PARVB: variants seen among roughly 807,000 people sequenced by gnomAD.
The protein encoded by PARVB is beta-parvin.
Under a neutral mutation model 47.0 loss-of-function variants are expected in PARVB, and 46 were observed. The ratio of observed to expected loss-of-function variants is 0.98; its 90% CI spans 0.77 to 1.25. The LOEUF (loss-of-function observed/expected upper bound fraction) is 1.25. Among genes scored for constraint, PARVB ranks in the 50% most tolerant of loss-of-function variants. The probability of loss-of-function intolerance (pLI) is 0.00; values close to 1 mark genes in which losing one functional copy is unlikely to be tolerated. For synonymous variants in PARVB, 196 were observed against 196.3 expected (o/e 1.00, Z 0.01); for missense variants, 473 against 471.6 (o/e 1.00, Z -0.03).
At chr22:44,102,590 CG>C (rs2052474108) in intron 3 of PARVB, among the ~76,000 whole-genome samples, 1 of 151,972 alleles carries the variant, frequency 6.6e-6, no homozygotes, top group South Asian at 2.1e-4. Context: ...GAAATCCCAG[CG>C]CCCTGGGAGG....
intron 7 of PARVB, among the ~76,000 whole-genome samples, chr22:44,138,774 A>G (rs1171288278): frequency 6.6e-6 from 1 of 152,180 alleles, no homozygotes; most frequent in East Asian, 1.9e-4. Context: ...CATGTGGCCA[A>G]CATTGAAATA....
chr22:44,040,036 TG>T, intron 1 of PARVB: 1 of 281,016 alleles, frequency 3.6e-6, no homozygotes, highest in Non-Finnish European at 7.2e-6. Context: ...TGGTTGCCTC[TG>T]GGGCTGTGGG....
At position 44,147,630 on chromosome 22, in the gene PARVB, C is replaced by G. The variant is rs147898227; in HGVS notation, c.713-231C>G. ...AGGTGGAAGGGACCCTCTGCAGCCTCTAGTCCACGCTGTTCTGGTTGTTCC... is the reference window on the plus strand; with the variant it reads ...AGGTGGAAGGGACCCTCTGCAGCCTGTAGTCCACGCTGTTCTGGTTGTTCC... On this transcript the variant is annotated intron_variant, in intron 8 of 12. Transcript: ENST00000338758. 9.2e-4 allele frequency: 665 copies of G among 723,524 alleles called. 2 individuals are homozygous for G. In the African/African-American group the frequency reaches 9.8e-3, roughly 11 times the overall value. 44.8% of individuals were successfully genotyped at this position (723,524 alleles called of 1,614,324 possible).
At chr22:44,143,741 T>G (rs754314320) in intron 8 of PARVB, 1 of 152,424 alleles carries the variant, frequency 6.6e-6, no homozygotes, top group Non-Finnish European at 1.5e-5. Context: ...GTCTCAGGGG[T>G]TCCAGGGAGG....
At chr22:44,148,116 G>C in intron 9 of PARVB, 194 bp downstream of exon 9, 1 of 604,164 alleles carries the variant, frequency 1.7e-6, no homozygotes, top group Non-Finnish European at 3.0e-6. Context: ...CAACCTCGCT[G>C]CTCCCTGGGT....
intron 3 of PARVB, chr22:44,112,117 G>A (rs1207665764): frequency 6.6e-6 from 1 of 152,102 alleles, no homozygotes; most frequent in Non-Finnish European, 1.5e-5. Flanking sequence ...GTTGTCTCTC[G>A]AATTTAAATG....
chr22:44,140,208 A>ATAACCATGTACACTCTCTGG, intron 8 of PARVB, 65 bp downstream of exon 8: 1 of 1,523,248 alleles, frequency 6.6e-7, no homozygotes, highest in Non-Finnish European at 9.1e-7. Flanking sequence ...AAGCTCCCAG[A>ATAACCATGTACACTCTCTGG]GAGTGTACAT....
In PARVB at chr22:44,172,725, A is replaced by G. The variant is rs780139549; in HGVS notation, c.*4047A>G. 2.3e-4 allele frequency: 68 copies of G among 295,734 alleles called. No homozygotes were observed. The highest frequency in any genetic ancestry group is 1.5e-3 in the African/African-American group (68 of 43,872). 18.3% of individuals were successfully genotyped at this position (295,734 alleles called of 1,614,324 possible). A position where few individuals can be genotyped will look rare whatever the true frequency, so the allele number is the denominator to read the frequency against. ...ACTGTCTTCTTAATTGTTTTAAGCA[A>G]TGTTTACTTTGGATTTCTGGATGTT... On this transcript the variant is annotated 3_prime_UTR_variant, in exon 13 of 13. Coordinates refer to ENST00000338758, the MANE Select transcript of PARVB (RefSeq NM_013327.5).
intron 1 of PARVB, among the ~76,000 whole-genome samples, chr22:44,046,869 A>G (rs146764891): frequency 6.6e-6 from 1 of 152,148 alleles, no homozygotes; most frequent in Non-Finnish European, 1.5e-5. Flanking sequence ...GGTCCTTATC[A>G]GTGCCGGGAG....
chr22:44,098,647 C>T (rs8137149), intron 2 of PARVB, among the ~76,000 whole-genome samples: 3,349 of 152,108 alleles, frequency 0.022, 54 homozygotes, highest in Non-Finnish European at 0.033. Context: ...TCAGGACTCC[C>T]GAGAACTCCC....
At chr22:44,148,514 A>G (rs1185327641) in intron 9 of PARVB, 2 of 159,892 alleles carry the variant, frequency 1.3e-5, no homozygotes, top group Admixed American at 5.7e-5. Flanking sequence ...AACTTATCCG[A>G]GTGCCTGCAG....
intron 1 of PARVB, among the ~76,000 whole-genome samples, chr22:44,063,732 C>T (rs1188993741): frequency 1.3e-5 from 2 of 152,042 alleles, no homozygotes; most frequent in African/African-American, 4.8e-5. Flanking sequence ...GCTGGGGGTC[C>T]ACACTCACAG....
intron 2 of PARVB, among the ~76,000 whole-genome samples, chr22:44,019,063 C>G (rs1444196543): frequency 6.7e-6 from 1 of 148,904 alleles, no homozygotes; most frequent in African/African-American, 2.5e-5. Flanking sequence ...ATTATAGGCG[C>G]CTGCCACCAT....
chr22:44,160,953 C>G (rs527536215), intron 11 of PARVB, among the ~76,000 whole-genome samples: 2 of 152,326 alleles, frequency 1.3e-5, no homozygotes, highest in Admixed American at 1.3e-4. Flanking sequence ...GAGGATTCCT[C>G]AGGCTTAAGA....
At chr22:44,002,510 G>C (rs1433723627) in intron 2 of PARVB, among the ~76,000 whole-genome samples, 3 of 152,192 alleles carry the variant, frequency 2.0e-5, no homozygotes, top group Non-Finnish European at 4.4e-5. Flanking sequence ...TGGCAGGAGG[G>C]GGCAGTGGGT....
At chr22:44,077,595 C>G (rs1003298497) in intron 1 of PARVB, among the ~76,000 whole-genome samples, 1 of 152,078 alleles carries the variant, frequency 6.6e-6, no homozygotes, top group Non-Finnish European at 1.5e-5. Flanking sequence ...AGTTGGCTTA[C>G]GAGTCCTGGC....
chr22:44,008,323 T>A (rs1184154582), intron 2 of PARVB, among the ~76,000 whole-genome samples: 1 of 152,084 alleles, frequency 6.6e-6, no homozygotes, highest in Non-Finnish European at 1.5e-5. Context: ...TTGGCCAGGT[T>A]GGTCTCAAAC....
chr22:44,023,529 A>AAACAC (rs2050676861), upstream of PARVB, among the ~76,000 whole-genome samples: 1 of 98,212 alleles, frequency 1.0e-5, no homozygotes, highest in Non-Finnish European at 2.0e-5. Context: ...AAATAAAATA[A>AAACAC]AACAAAACAA....
intron 2 of PARVB, among the ~76,000 whole-genome samples, chr22:44,094,306 C>G (rs1471427479): frequency 6.6e-6 from 1 of 152,148 alleles, no homozygotes; most frequent in Non-Finnish European, 1.5e-5. Context: ...GTTTGTTAAA[C>G]TCATAGTTCT....
Sources: allele counts gnomAD v4.1 joint callset (sites outside exome capture counted in the v4.1 genomes callset), GRCh38; gene constraint gnomAD v4.1.1; transcripts MANE v1.5; gene names NCBI Gene and HGNC (gene_info 2026-07-23, HGNC 2026-07-21).